The following GLB1 variants were observed in gnomAD, a reference collection of about 807,000 sequenced individuals.
GLB1 encodes galactosidase beta 1.
GLB1 carries 56 observed loss-of-function variants against 74.0 expected under a neutral mutation model. The observed-to-expected ratio is 0.76, with a 90% CI of 0.61 to 0.94. GLB1 has a LOEUF of 0.94. GLB1 is among the 40% of genes least tolerant of loss of function. The pLI is 0.00. For synonymous variants in GLB1, 323 were observed against 323.6 expected (o/e 1.00, Z 0.02); for missense variants, 787 against 845.5 (o/e 0.93, Z 0.86).
intron 15 of GLB1, among the ~76,000 whole-genome samples, chr3:32,998,518 A>G (rs1486591827): frequency 6.6e-6 from 1 of 152,108 alleles, no homozygotes; most frequent in Non-Finnish European, 1.5e-5. Context: ...GTCTCAAAAA[A>G]AAAAAAAAAA....
At chr3:32,974,698 G>A in the GLB1 span, among the ~76,000 whole-genome samples, 20 of 152,218 alleles carry the variant, frequency 1.3e-4, no homozygotes, top group South Asian at 2.9e-3. Context: ...TAAAAGAGTT[G>A]ATGTTTCCAT....
intron 10 of GLB1, chr3:33,030,911 A>C: frequency 1.4e-6 from 1 of 740,414 alleles, no homozygotes; most frequent in Non-Finnish European, 1.6e-6. Context: ...ATCAGTAGGG[A>C]AGAGGAGGTC....
chr3:33,058,316 G>C (rs762922494), intron 5 of GLB1, 47 bp from the exon 6 acceptor site: 1 of 1,611,428 alleles, frequency 6.2e-7, no homozygotes. Flanking sequence ...TCCTAATGTA[G>C]CCACCCTAAT....
intron 5 of GLB1, among the ~76,000 whole-genome samples, chr3:33,063,909 C>G (rs1347505185): frequency 1.3e-5 from 2 of 152,156 alleles, no homozygotes; most frequent in Admixed American, 6.5e-5. Flanking sequence ...ACCACAAAGC[C>G]TCAGAACGGA....
At chr3:33,034,041 T>C in intron 10 of GLB1, 1 of 548,626 alleles carries the variant, frequency 1.8e-6, no homozygotes, top group Non-Finnish European at 3.6e-6. Flanking sequence ...GAGAGTCCTA[T>C]GTGGCAAGTG....
intron 10 of GLB1, chr3:33,045,289 G>A: frequency 1.3e-6 from 1 of 797,802 alleles, no homozygotes; most frequent in Non-Finnish European, 1.5e-6. Context: ...TCATTTATTT[G>A]ACTATGAAAG....
chr3:32,965,829 A>G, the GLB1 span, among the ~76,000 whole-genome samples: 1 of 152,336 alleles, frequency 6.6e-6, no homozygotes. Context: ...CACTCCAGCC[A>G]TGGCTAAAAG....
At chr3:33,091,337 G>C (rs1369822805) in intron 1 of GLB1, 9 of 985,398 alleles carry the variant, frequency 9.1e-6, no homozygotes, top group Non-Finnish European at 1.1e-5. Context: ...AGGACAAGGA[G>C]GAAAGGAAGA....
the GLB1 span, among the ~76,000 whole-genome samples, chr3:32,970,507 A>G: frequency 9.8e-5 from 15 of 152,336 alleles, no homozygotes; most frequent in East Asian, 9.6e-4. Context: ...AAGAATGCCT[A>G]TAAGTCTAAC....
At chr3:33,019,217 AC>A (rs1193698957) in intron 12 of GLB1, among the ~76,000 whole-genome samples, 8 of 152,212 alleles carry the variant, frequency 5.3e-5, no homozygotes, top group Non-Finnish European at 7.3e-5. Context: ...CAGTTAAGAG[AC>A]TAGATTGTAA....
At chr3:33,057,430 GTC>G (rs1173776346) in intron 6 of GLB1, among the ~76,000 whole-genome samples, 1 of 152,202 alleles carries the variant, frequency 6.6e-6, no homozygotes, top group East Asian at 1.9e-4. Flanking sequence ...CCTAAATGAA[GTC>G]TCTCTTAATA....
intron 10 of GLB1, among the ~76,000 whole-genome samples, chr3:33,043,430 A>G (rs1329783398): frequency 1.3e-5 from 2 of 152,136 alleles, no homozygotes; most frequent in Non-Finnish European, 2.9e-5. Flanking sequence ...CTTAAATGGT[A>G]ACCACTAAAA....
chr3:33,068,377 A>C, intron 3 of GLB1, 87 bp from the exon 4 acceptor site: 3 of 1,561,206 alleles, frequency 1.9e-6, no homozygotes, highest in Middle Eastern at 2.1e-4. Context: ...AGTTATGGAA[A>C]AGAATAAAAG....
intron 10 of GLB1, among the ~76,000 whole-genome samples, chr3:33,025,208 G>A (rs557773890): frequency 1.3e-5 from 2 of 152,198 alleles, no homozygotes; most frequent in Non-Finnish European, 2.9e-5. Flanking sequence ...GCCTCCCAAA[G>A]TGCTCGGATT....
intron 1 of GLB1, among the ~76,000 whole-genome samples, chr3:33,084,530 G>A (rs921166404): frequency 1.3e-5 from 2 of 152,026 alleles, no homozygotes; most frequent in African/African-American, 4.8e-5. Context: ...ATGTTTTCAC[G>A]CCTGCCTTGT....
At chr3:32,985,950 G>A in the GLB1 span, among the ~76,000 whole-genome samples, 1 of 152,202 alleles carries the variant, frequency 6.6e-6, no homozygotes, top group Non-Finnish European at 1.5e-5. Context: ...GACCTCAGGT[G>A]ATCCAGCTGC....
downstream of GLB1, among the ~76,000 whole-genome samples, chr3:32,994,920 C>CGA (rs754840213): frequency 1.7e-5 from 2 of 115,680 alleles, no homozygotes; most frequent in African/African-American, 6.9e-5. Flanking sequence ...GACTCTGTTT[C>CGA]AAAAAAAAAA....
chr3:32,961,592 G>A, the GLB1 span, among the ~76,000 whole-genome samples: 2 of 152,212 alleles, frequency 1.3e-5, no homozygotes, highest in African/African-American at 4.8e-5. Context: ...AAGACAGCTA[G>A]CCTGGAAAAC....
At chr3:33,063,799 A>G (rs945717042) in intron 5 of GLB1, among the ~76,000 whole-genome samples, 3 of 152,166 alleles carry the variant, frequency 2.0e-5, no homozygotes, top group Non-Finnish European at 2.9e-5. Flanking sequence ...TAGCTTAACC[A>G]GTACAGACAC....
Sources: allele counts gnomAD v4.1 joint callset (sites outside exome capture counted in the v4.1 genomes callset), GRCh38; gene constraint gnomAD v4.1.1; transcripts MANE v1.5; gene names NCBI Gene and HGNC (gene_info 2026-07-23, HGNC 2026-07-21).